Variants in EXOC6 observed in about 807,000 individuals in gnomAD.
EXOC6 encodes the protein SEC15-like 1.
Under a neutral mutation model 112.5 loss-of-function variants are expected in EXOC6, and 60 were observed. That is an observed-to-expected ratio of 0.53 (90% CI 0.43 to 0.66). The LOEUF is 0.66. Among genes scored for constraint, EXOC6 ranks in the 30% least tolerant of loss-of-function variants. The pLI is 0.00. For missense variants in EXOC6, 855 were observed against 957.1 expected (o/e 0.89, Z 1.41); for synonymous variants, 295 against 308.0 (o/e 0.96, Z 0.44).
chr10:92,928,929 A>G (rs1037171445), intron 9 of EXOC6, among the ~76,000 whole-genome samples: 2 of 152,266 alleles, frequency 1.3e-5, no homozygotes, highest in Non-Finnish European at 2.9e-5. Context: ...TAATACCTCA[A>G]TATATCTGAC....
chr10:93,013,416 G>C (rs922645075), intron 19 of EXOC6, among the ~76,000 whole-genome samples: 3 of 151,936 alleles, frequency 2.0e-5, no homozygotes, highest in African/African-American at 7.3e-5. Context: ...GACCAGCCTG[G>C]GCAACATGGT....
At chr10:92,896,897 A>T (rs961955065) in intron 4 of EXOC6, among the ~76,000 whole-genome samples, 1 of 152,062 alleles carries the variant, frequency 6.6e-6, no homozygotes, top group Admixed American at 6.6e-5. Flanking sequence ...TTTTTTTAGA[A>T]TCAATGAAAT....
intron 8 of EXOC6, among the ~76,000 whole-genome samples, chr10:92,923,399 A>G (rs943272803): frequency 9.9e-5 from 15 of 152,182 alleles, no homozygotes; most frequent in African/African-American, 3.6e-4. Context: ...AACAACAAAC[A>G]TTATTATTCC....
At chr10:92,895,516 T>C (rs1849700439) in intron 4 of EXOC6, among the ~76,000 whole-genome samples, 1 of 152,114 alleles carries the variant, frequency 6.6e-6, no homozygotes, top group Non-Finnish European at 1.5e-5. Context: ...TTGCCTTTCC[T>C]CCTGTATTTT....
At chr10:92,962,631 A>T (rs1854073152) in intron 17 of EXOC6, among the ~76,000 whole-genome samples, 1 of 152,108 alleles carries the variant, frequency 6.6e-6, no homozygotes, top group Non-Finnish European at 1.5e-5. Context: ...GGACTCAAGC[A>T]ATCCTCTTGC....
At chr10:92,942,746 T>G (rs1226169814) in intron 13 of EXOC6, among the ~76,000 whole-genome samples, 1 of 152,182 alleles carries the variant, frequency 6.6e-6, no homozygotes, top group African/African-American at 2.4e-5. Flanking sequence ...GTGTTTATGT[T>G]TTCATAACTG....
intron 20 of EXOC6, among the ~76,000 whole-genome samples, chr10:93,045,689 T>C (rs1231591095): frequency 6.6e-6 from 1 of 152,234 alleles, no homozygotes; most frequent in Non-Finnish European, 1.5e-5. Context: ...ACACCTCTCA[T>C]CATGAGTTTC....
chr10:92,900,377 T>TC (rs1468575395), intron 5 of EXOC6: 1 of 152,062 alleles, frequency 6.6e-6, no homozygotes, highest in Non-Finnish European at 1.5e-5. Context: ...AATGATTTCT[T>TC]CTTGGTTAGT....
intron 19 of EXOC6, among the ~76,000 whole-genome samples, chr10:93,008,692 A>G (rs1478383883): frequency 6.6e-6 from 1 of 152,190 alleles, no homozygotes; most frequent in Admixed American, 6.5e-5. Context: ...AATGATTTGT[A>G]TTACTATTTA....
In EXOC6 at chr10:92,934,517, C is replaced by T. The variant is rs574520040; in HGVS notation, c.1140+87C>T. ...GCATAATGTCAGAGGAAAACTGTAC[C>T]TCCATCATTCTGCATTTTTTTAGTA... On this transcript the variant is annotated intron_variant, in intron 11 of 21. Transcript: ENST00000260762. The T allele has an allele frequency of 5.4e-6, 6 of 1,111,632 alleles. No homozygotes were observed. The African/African-American group carries it at 9.7e-5, about 18-fold the overall frequency. 68.9% of individuals were successfully genotyped at this position (1,111,632 alleles called of 1,614,324 possible). A position where few individuals can be genotyped will look rare whatever the true frequency, so the allele number is the denominator to read the frequency against.
chr10:92,841,848 T>C (rs971687194), intron 1 of EXOC6, among the ~76,000 whole-genome samples: 4 of 152,176 alleles, frequency 2.6e-5, no homozygotes, highest in Non-Finnish European at 5.9e-5. Flanking sequence ...AGGCATGAAA[T>C]GTATTAATGA....
chr10:92,881,376 T>C (rs61860857), intron 1 of EXOC6, among the ~76,000 whole-genome samples: 11 of 152,202 alleles, frequency 7.2e-5, no homozygotes, highest in Non-Finnish European at 1.0e-4. Context: ...ACCCTTCCTC[T>C]TATTGTAAGA....
At position 93,057,004 on chromosome 10, in the gene EXOC6, G is replaced by A. The variant is rs767289727; in HGVS notation, c.2250G>A (p.Val750=). ...YGQPASKYLR[V]NPNTALTLLE... The stretch of plus-strand genomic sequence containing the variant: ...AGCCAGCTTCTAAGTACCTTCGGGT[G>A]AATCCAAACACAGCCCTTACTCTTT... Residue 750 remains valine, a synonymous_variant, in exon 21 of 22, where the codon GTG becomes GTA. Coordinates refer to ENST00000260762, the MANE Select transcript of EXOC6 (RefSeq NM_019053.6). The A allele has an allele frequency of 3.8e-6, 6 of 1,592,238 alleles. No individual in the cohort carries two copies.
chr10:92,850,872 G>A (rs2133625586), intron 1 of EXOC6, among the ~76,000 whole-genome samples: 1 of 151,868 alleles, frequency 6.6e-6, no homozygotes, highest in Non-Finnish European at 1.5e-5. Flanking sequence ...CTTTTCCTGA[G>A]AAGCACGTGA....
At chr10:93,038,696 A>G (rs1043898952) in intron 20 of EXOC6, among the ~76,000 whole-genome samples, 1 of 152,204 alleles carries the variant, frequency 6.6e-6, no homozygotes, top group African/African-American at 2.4e-5. Flanking sequence ...GTTTTGTCCC[A>G]GAAGAGACAC....
chr10:93,011,163 T>C (rs1346135824), intron 19 of EXOC6, among the ~76,000 whole-genome samples: 1 of 151,726 alleles, frequency 6.6e-6, no homozygotes, highest in Admixed American at 6.6e-5. Flanking sequence ...GTAGAAGCTA[T>C]GGTAACATTT....
At chr10:92,944,011 C>G (rs925696046) in intron 13 of EXOC6, among the ~76,000 whole-genome samples, 25 of 152,182 alleles carry the variant, frequency 1.6e-4, no homozygotes, top group African/African-American at 5.8e-4. Flanking sequence ...TATTTGACTT[C>G]TGTGCCTAGC....
chr10:92,849,920 A>G (rs1847242426), intron 1 of EXOC6, among the ~76,000 whole-genome samples: 1 of 152,196 alleles, frequency 6.6e-6, no homozygotes. Flanking sequence ...CCTAACACCA[A>G]GCATGTGGTA....
At chr10:92,951,293 G>A (rs1853397177) in intron 14 of EXOC6, among the ~76,000 whole-genome samples, 1 of 152,126 alleles carries the variant, frequency 6.6e-6, no homozygotes, top group Non-Finnish European at 1.5e-5. Flanking sequence ...TCCAAGAAAA[G>A]TATATGTAGT....
Sources: allele counts gnomAD v4.1 joint callset (sites outside exome capture counted in the v4.1 genomes callset), GRCh38; gene constraint gnomAD v4.1.1; transcripts MANE v1.5; gene names NCBI Gene and HGNC (gene_info 2026-07-23, HGNC 2026-07-21).